Variants in TUT7 observed in about 807,000 individuals in gnomAD.
The protein encoded by TUT7 is terminal uridylyltransferase 7.
TUT7 carries 33 observed loss-of-function variants against 165.9 expected under a neutral mutation model. The observed-to-expected ratio is 0.20, with a 90% CI of 0.15 to 0.27. The LOEUF is 0.27. TUT7 is among the 10% of genes least tolerant of loss of function. The pLI is 1.00. For missense variants in TUT7, 1,338 were observed against 1,762.3 expected, an observed-to-expected ratio of 0.76 and a Z score of 4.31; for synonymous variants, 552 against 608.1, an observed-to-expected ratio of 0.91 and a Z score of 1.36.
chr9:86,317,665 C>T (rs555351976), intron 16 of TUT7, among the ~76,000 whole-genome samples: 2 of 152,324 alleles, frequency 1.3e-5, no homozygotes, highest in South Asian at 4.1e-4. Flanking sequence ...CTCATTCATT[C>T]TAAGCAGACC....
At chr9:86,305,273 T>C in intron 22 of TUT7, 34 bp from the exon 23 acceptor site, 1 of 1,460,438 alleles carries the variant, frequency 6.8e-7, no homozygotes, top group East Asian at 2.4e-5. Flanking sequence ...AATAAGGTAA[T>C]CAAATAGAAA....
In TUT7 at chr9:86,352,816, T is replaced by C; in HGVS notation, c.384A>G (p.Gln128=). Residue 128 remains glutamine, a synonymous_variant, in exon 2 of 27, where the codon CAA becomes CAG. Transcript: ENST00000375963. ...PGPRIPVINR[Q]RKDSFQENED... ...CATTTTCTTGAAAGGAGTCTTTTCT[T>C]TGTCGGTTTATAACAGGAATTCTAG... 1 of 1,614,224 alleles carries C rather than the reference T, an allele frequency of 6.2e-7. No homozygotes were observed. The highest frequency in any genetic ancestry group is 8.5e-7 in the Non-Finnish European group (1 of 1,180,030).
At chr9:86,335,312 T>C (rs1055297285) in intron 10 of TUT7, among the ~76,000 whole-genome samples, 11 of 152,156 alleles carry the variant, frequency 7.2e-5, no homozygotes, top group African/African-American at 2.7e-4. Flanking sequence ...AGTATGAATA[T>C]CTGCTAAGGA....
At chr9:86,333,183 C>T (rs1830473827) in intron 10 of TUT7, among the ~76,000 whole-genome samples, 1 of 152,194 alleles carries the variant, frequency 6.6e-6, no homozygotes, top group African/African-American at 2.4e-5. Flanking sequence ...GAAATTATCA[C>T]ACCTCCAGTA....
chr9:86,322,400 T>C lies in TUT7; in HGVS notation c.2953A>G (p.Ile985Val), dbSNP rs759537086. 6.2e-7 allele frequency: 1 copy of C among 1,614,040 alleles called. No homozygotes were observed. Among genetic ancestry groups the C allele is most frequent in the Non-Finnish European group, 8.5e-7 (1 of 1,180,012 alleles). The change falls in exon 14 of 27, where the codon ATC becomes GTC. Residue 985 changes from isoleucine to valine, a missense_variant. Physicochemically the swap from Ile to Val is conservative, Grantham distance 29. Transcript: ENST00000375963. ...AATGGTGGCAGAGGTTCTAGCTGGA[T>C]TCTTTTGAAGTCTTCAGGACAGTCC... ...KKDCPEDFKR[I>V]QLEPLPPLTP...
At position 86,298,944 on chromosome 9, in the gene TUT7, T is replaced by C. The variant is rs570907200; in HGVS notation, c.4420+2332A>G. On this transcript the variant is annotated intron_variant, in intron 26 of 26. Coordinates refer to ENST00000375963, the MANE Select transcript of TUT7 (RefSeq NM_024617.4). ...AAATAAGGCATGTGGGTGGCAGAAT[T>C]TTGCAAGTTAACTGAAAAGCAAGAC... is the stretch of plus-strand genomic sequence containing the variant. 2.8e-5 allele frequency: 11 copies of C among 388,250 alleles called. No individual in the cohort carries two copies. In the South Asian group the frequency reaches 1.1e-3, roughly 38 times the overall value. 24.1% of individuals were successfully genotyped at this position (388,250 alleles called of 1,614,324 possible).
intron 10 of TUT7, among the ~76,000 whole-genome samples, chr9:86,332,975 G>A (rs961167193): frequency 1.3e-5 from 2 of 151,948 alleles, no homozygotes; most frequent in African/African-American, 4.8e-5. Context: ...GTTGCATCTG[G>A]GTCATCTTGG....
intron 10 of TUT7, among the ~76,000 whole-genome samples, chr9:86,334,818 G>A (rs1830630068): frequency 6.6e-6 from 1 of 151,996 alleles, no homozygotes. Context: ...GGTGGCCCTG[G>A]TTCCTCTGGC....
intron 17 of TUT7, among the ~76,000 whole-genome samples, chr9:86,313,411 A>T (rs1828407532): frequency 6.6e-6 from 1 of 152,202 alleles, no homozygotes; most frequent in African/African-American, 2.4e-5. Context: ...AGGGGTAGTA[A>T]GAGAGGATCA....
intron 8 of TUT7, among the ~76,000 whole-genome samples, chr9:86,339,508 AC>A (rs540080349): frequency 6.6e-6 from 1 of 151,976 alleles, no homozygotes; most frequent in Non-Finnish European, 1.5e-5. Flanking sequence ...ACAGAGCGAG[AC>A]TCCGTCTCAA....
At chr9:86,288,947 T>C (rs1587828434) in intron 26 of TUT7, among the ~76,000 whole-genome samples, 1 of 152,238 alleles carries the variant, frequency 6.6e-6, no homozygotes, top group African/African-American at 2.4e-5. Context: ...CAAAATTCTT[T>C]CTGAATGCAG....
chr9:86,352,419 T>A (rs938541925), intron 2 of TUT7: 1 of 550,424 alleles, frequency 1.8e-6, no homozygotes, highest in Non-Finnish European at 3.2e-6. Flanking sequence ...AAAAACACGT[T>A]ACAGAAAACA....
intron 10 of TUT7, 102 bp from the exon 11 acceptor site, chr9:86,328,594 A>G (rs550112753): frequency 4.2e-4 from 385 of 906,902 alleles, no homozygotes; most frequent in Non-Finnish European, 5.7e-4. Context: ...TTCAACGAAA[A>G]TACAAAAGAT....
chr9:86,318,760 GA>G (rs1587922747), intron 16 of TUT7, among the ~76,000 whole-genome samples, 197 bp downstream of exon 16: 3 of 152,328 alleles, frequency 2.0e-5, no homozygotes, highest in Admixed American at 1.3e-4. Context: ...GCTACAGAGT[GA>G]AAGTATAACC....
chr9:86,309,348 A>T (rs971638451), intron 20 of TUT7, 59 bp from the exon 21 acceptor site: 2 of 1,424,604 alleles, frequency 1.4e-6, no homozygotes, highest in Non-Finnish European at 9.7e-7. Flanking sequence ...TGATACAAAA[A>T]CTTCTAGGAA....
At chr9:86,331,177 G>T (rs569109028) in intron 10 of TUT7, among the ~76,000 whole-genome samples, 44 of 152,144 alleles carry the variant, frequency 2.9e-4, no homozygotes, top group Admixed American at 2.2e-3. Flanking sequence ...CCTCTGGGAG[G>T]CTGACACAGG....
intron 26 of TUT7, among the ~76,000 whole-genome samples, chr9:86,299,475 C>G (rs185873206): frequency 1.1e-4 from 16 of 152,274 alleles, no homozygotes; most frequent in Admixed American, 7.8e-4. Flanking sequence ...TATTTTTGAA[C>G]TGCCACCAAA....
At chr9:86,346,932 T>C (rs1831822779) in intron 2 of TUT7, among the ~76,000 whole-genome samples, 1 of 152,188 alleles carries the variant, frequency 6.6e-6, no homozygotes. Flanking sequence ...TTTCATCTTC[T>C]ATAAGTGAAC....
rs754637918 is a variant in TUT7, at chr9:86,301,471, T to C, written c.4225A>G (p.Lys1409Glu). The C allele has an allele frequency of 1.2e-6, 2 of 1,614,206 alleles. No homozygotes were observed. Among genetic ancestry groups the C allele is most frequent in the East Asian group, 2.2e-5 (1 of 44,886 alleles). ...TTCTGAGGTGTGCACTGTATGGGCT[T>C]ATCTTCTTTTGTTGACACCTCCCTT... The part of the protein sequence containing the change: ...TEREVSTKED[K>E]PIQCTPQKAK... Residue 1409 changes from lysine (K) to glutamate (E), a missense_variant, in exon 26 of 27, where the codon AAG becomes GAG. Transcript: ENST00000375963.
Sources: gnomAD v4.1 joint callset for allele counts (sites outside exome capture counted in the v4.1 genomes callset) on GRCh38, gnomAD v4.1.1 for gene constraint, MANE v1.5 for transcripts, NCBI Gene and HGNC (gene_info 2026-07-23, HGNC 2026-07-21) for gene names.